NAGPA: variants seen among roughly 807,000 people sequenced by gnomAD.
NAGPA encodes the protein alpha-N-acetylglucosaminyl phosphodiesterase.
NAGPA carries 56 observed loss-of-function variants against 48.5 expected under a neutral mutation model. The ratio of observed to expected loss-of-function variants is 1.15; its 90% CI spans 0.93 to 1.44. The LOEUF is 1.44. NAGPA is among the 40% of genes most tolerant of loss of function. The pLI, the probability that NAGPA is intolerant of heterozygous loss-of-function variation, is 0.00. For missense variants in NAGPA, 888 were observed against 735.0 expected (o/e 1.21, Z -2.41); for synonymous variants, 399 against 315.5 (o/e 1.26, Z -2.81).
Position 5,030,373 on chromosome 16 carries a change from C to A in NAGPA, c.791+12G>T, listed in dbSNP as rs1438809118. 3 of 1,549,598 alleles carry A rather than the reference C, an allele frequency of 1.9e-6. No individual in the cohort carries two copies. The highest frequency in any genetic ancestry group is 2.6e-6 in the Non-Finnish European group (3 of 1,146,454). ...GAGCCCCGGCCGGGGGGCCTCAGCT[C>A]CCAGGACTCACCCACGCTGCTCCGT... On this transcript the variant is annotated intron_variant, in intron 4 of 9. Coordinates refer to ENST00000312251, the MANE Select transcript of NAGPA (RefSeq NM_016256.4).
chr16:5,025,647 AG>A lies in NAGPA; in HGVS notation c.1378del (p.Leu460SerfsTer3). On this transcript the variant is annotated frameshift_variant, in exon 10 of 10. Transcript: ENST00000312251. LOFTEE classifies it low-confidence loss of function (END_TRUNC). ...WLALTLALAF[L>X]LLISTAANLS... The stretch of plus-strand genomic sequence containing the variant: ...GTTTGCTGCAGTGCTGATCAGCAGG[AG>A]GAAGGCCAGCGCCAGGGTGAGGGCT... The A allele has an allele frequency of 6.2e-7, 1 of 1,613,490 alleles. No homozygotes were observed. The highest frequency in any genetic ancestry group is 8.5e-7 in the Non-Finnish European group (1 of 1,179,866).
rs1346378490 is a variant in NAGPA at position 5,033,052 on chromosome 16, C to T, written c.542+221G>A. 8.1e-6 allele frequency: 5 copies of T among 616,334 alleles called. No individual in the cohort carries two copies. The highest frequency in any genetic ancestry group is 5.5e-5 in the African/African-American group (3 of 54,124). 38.2% of individuals were successfully genotyped at this position (616,334 alleles called of 1,614,324 possible). A position where few individuals can be genotyped will look rare whatever the true frequency, so the allele number is the denominator to read the frequency against. ...CTGTTAAGGCAAAGACTGTGTTGTT[C>T]ACGGCTATCTCACCGGGGCGCGGCA... On this transcript the variant is annotated intron_variant, in intron 2 of 9. Coordinates refer to ENST00000312251, the MANE Select transcript of NAGPA (RefSeq NM_016256.4). This position sits in a 1 kb window ranked among gnomAD's most constrained non-coding sequence, Gnocchi z 4.2.
chr16:5,033,181 G>A lies in NAGPA; in HGVS notation c.542+92C>T, dbSNP rs1274575291. ...CTGCAGAGGAGGAAACAGGGGCTCA[G>A]CTTGGTTAAGTGACTTGAACACGGA... On this transcript the variant is annotated intron_variant, in intron 2 of 9. Coordinates refer to ENST00000312251, the MANE Select transcript of NAGPA (RefSeq NM_016256.4). This position sits in a 1 kb window ranked among gnomAD's most constrained non-coding sequence, Gnocchi z 4.2. The A allele has an allele frequency of 1.4e-6, 2 of 1,428,508 alleles. No individual in the cohort carries two copies. Among genetic ancestry groups the A allele is most frequent in the African/African-American group, 1.4e-5 (1 of 70,940 alleles). 88.5% of individuals were successfully genotyped at this position (1,428,508 alleles called of 1,614,324 possible). A position where few individuals can be genotyped will look rare whatever the true frequency, so the allele number is the denominator to read the frequency against.
intron 2 of NAGPA, among the ~76,000 whole-genome samples, chr16:5,032,384 G>A (rs1324657637): frequency 1.3e-5 from 2 of 152,108 alleles, no homozygotes; most frequent in African/African-American, 4.8e-5. Flanking sequence ...GCCAGGGCGT[G>A]GTGGCTCACA....
At chr16:5,026,533 CA>C (rs570375447) in intron 9 of NAGPA, among the ~76,000 whole-genome samples, 10 of 146,024 alleles carry the variant, frequency 6.8e-5, no homozygotes, top group South Asian at 2.2e-4. Context: ...GACCCCGTCT[CA>C]AAAAAAAAAG....
In NAGPA at chr16:5,033,509, G is replaced by A. The variant is rs1299477292; in HGVS notation, c.306C>T (p.Arg102=). The part of the protein sequence containing the change: ...GHLTRAVEPL[R]TFSVLEPGGP... The stretch of plus-strand genomic sequence containing the variant: ...CACCGGGCTCCAGCACCGAGAAGGT[G>A]CGCAGGGGCTCAACGGCCCGCGTCA... The change falls in exon 2 of 10, where the codon CGC becomes CGT. Residue 102 remains arginine (R), a synonymous_variant. Coordinates refer to ENST00000312251, the MANE Select transcript of NAGPA (RefSeq NM_016256.4). The surrounding 1 kb of genome is among the most constrained non-coding windows in gnomAD (Gnocchi z 4.2). The A allele has an allele frequency of 6.5e-7, 1 of 1,541,238 alleles. No individual in the cohort carries two copies. The highest frequency in any genetic ancestry group is 1.2e-5 in the South Asian group (1 of 84,948).
chr16:5,026,996 G>T, intron 9 of NAGPA, 139 bp downstream of exon 9: 1 of 1,063,754 alleles, frequency 9.4e-7, no homozygotes, highest in Non-Finnish European at 1.4e-6. Flanking sequence ...AAAGCAGACA[G>T]TGGGGAGAGC....
chr16:5,025,821 A>G (rs1955990476), intron 9 of NAGPA, 136 bp from the exon 10 acceptor site: 8 of 866,246 alleles, frequency 9.2e-6, no homozygotes, highest in Non-Finnish European at 1.5e-5. Context: ...AGGGAATGTT[A>G]TGAGCAAAAT....
rs567399771 is a variant in NAGPA, at chr16:5,033,694, G to C, written c.121C>G (p.Pro41Ala). 1.2e-6 allele frequency: 2 copies of C among 1,600,204 alleles called. No homozygotes were observed. Among genetic ancestry groups the C allele is most frequent in the East Asian group, 2.2e-5 (1 of 44,672 alleles). ...CGGGGGAGGCGCGCGCGCGCGCGTG[G>C]ATAGGGCAGTAGCAAGTCGTCGTCG... ...SRDDDLLLPY[P>A]RARARLPRDC... Residue 41 changes from proline (P) to alanine (A), a missense_variant, in exon 2 of 10, where the codon CCA becomes GCA. Coordinates refer to ENST00000312251, the MANE Select transcript of NAGPA (RefSeq NM_016256.4). This position sits in a 1 kb window ranked among gnomAD's most constrained non-coding sequence, Gnocchi z 4.2.
At chr16:5,030,027 A>G (rs1032029600) in intron 4 of NAGPA, 2 of 415,820 alleles carry the variant, frequency 4.8e-6, no homozygotes, top group Admixed American at 7.6e-5. Context: ...AGGGGCTAGA[A>G]ATGAGGCTCA....
intron 3 of NAGPA, chr16:5,030,916 T>G: frequency 4.0e-6 from 1 of 247,422 alleles, no homozygotes; most frequent in East Asian, 1.1e-4. Flanking sequence ...AGTGAGGCCT[T>G]CCTTGACCGC....
At chr16:5,029,370 G>C (rs527614512) in intron 4 of NAGPA, 18 of 355,066 alleles carry the variant, frequency 5.1e-5, no homozygotes, top group African/African-American at 3.6e-4. Flanking sequence ...AACTGGGGGA[G>C]AGGACACACA....
At chr16:5,026,222 C>A (rs1008312027) in intron 9 of NAGPA, among the ~76,000 whole-genome samples, 2 of 150,852 alleles carry the variant, frequency 1.3e-5, no homozygotes, top group African/African-American at 4.9e-5. Flanking sequence ...AGCCACCACG[C>A]CTGGCCTGAT....
rs767883572 is a variant in NAGPA, at chr16:5,033,252, C to A, written c.542+21G>T. The A allele has an allele frequency of 3.8e-6, 6 of 1,576,300 alleles. No homozygotes were observed. Among genetic ancestry groups the A allele is most frequent in the South Asian group, 1.1e-5 (1 of 87,726 alleles). On this transcript the variant is annotated intron_variant, in intron 2 of 9. Coordinates refer to ENST00000312251, the MANE Select transcript of NAGPA (RefSeq NM_016256.4). The surrounding 1 kb of genome is among the most constrained non-coding windows in gnomAD (Gnocchi z 4.2). ...CTCAGGCCCTCTGCCCTCGACAGCA[C>A]GGGGCTCCCTGCCTCCTCACCCGGT...
At chr16:5,027,929 C>T (rs753247184) in intron 6 of NAGPA, 36 bp from the exon 7 acceptor site, 1 of 1,612,920 alleles carries the variant, frequency 6.2e-7, no homozygotes, top group South Asian at 1.1e-5. Context: ...AGGTGAGGGC[C>T]TAGGGCAAGG....
chr16:5,027,501 G>A (rs1024365993), intron 7 of NAGPA, 122 bp from the exon 8 acceptor site: 6 of 1,062,124 alleles, frequency 5.6e-6, no homozygotes, highest in Admixed American at 2.0e-5. Context: ...CGGGCTAAAG[G>A]TGAAGCACCC....
rs1260513327 is a variant in NAGPA at position 5,033,523 on chromosome 16, C to G, written c.292G>C (p.Val98Leu). The G allele has an allele frequency of 8.6e-6, 13 of 1,518,378 alleles. No homozygotes were observed. The highest frequency in any genetic ancestry group is 2.2e-4 in the Middle Eastern group (1 of 4,572). The allele number at this position is 1,518,378 out of a possible 1,614,324, so 94.1% of individuals were successfully genotyped here. Residue 98 changes from valine (V) to leucine (L), a missense_variant, in exon 2 of 10, where the codon GTT (valine) becomes CTT (leucine). Transcript: ENST00000312251. This position sits in a 1 kb window ranked among gnomAD's most constrained non-coding sequence, Gnocchi z 4.2. ...ACCGAGAAGGTGCGCAGGGGCTCAA[C>G]GGCCCGCGTCAGGTGGCCGGCCACC... ...RAVAGHLTRA[V>L]EPLRTFSVLE...
intron 4 of NAGPA, chr16:5,029,253 G>A (rs1339292511): frequency 1.1e-5 from 6 of 559,644 alleles, no homozygotes; most frequent in Non-Finnish European, 1.9e-5. Context: ...GGATCTGGGT[G>A]CAGCCACTGG....
intron 4 of NAGPA, 37 bp downstream of exon 4, chr16:5,030,348 G>A (rs1449934646): frequency 2.6e-6 from 4 of 1,534,668 alleles, no homozygotes; most frequent in Non-Finnish European, 3.5e-6. Context: ...TAGCAGGACT[G>A]AGCCCCGGCC....
Sources: gnomAD v4.1 joint callset for allele counts (sites outside exome capture counted in the v4.1 genomes callset) on GRCh38, gnomAD v4.1.1 for gene constraint, Gnocchi (gnomAD v3.1) non-coding constraint, MANE v1.5 for transcripts, NCBI Gene and HGNC (gene_info 2026-07-23, HGNC 2026-07-21) for gene names.